Variants in PARVA observed in about 807,000 individuals in gnomAD.
PARVA encodes parvin alpha.
A neutral mutation model predicts 52.6 loss-of-function variants in PARVA; 25 were observed. The ratio of observed to expected loss-of-function variants is 0.48; its 90% CI spans 0.35 to 0.66. PARVA has a LOEUF of 0.66. PARVA is among the 30% of genes least tolerant of loss of function. The pLI is 0.01. For synonymous variants in PARVA, 185 were observed against 179.1 expected, an observed-to-expected ratio of 1.03 and a Z score of -0.26; for missense variants, 373 against 450.9, an observed-to-expected ratio of 0.83 and a Z score of 1.56.
At chr11:12,488,512 G>A (rs987520755) in intron 4 of PARVA, among the ~76,000 whole-genome samples, 20 of 152,138 alleles carry the variant, frequency 1.3e-4, no homozygotes, top group African/African-American at 4.8e-4. Flanking sequence ...ACACATACAG[G>A]GTCAGGAGAC....
intron 4 of PARVA, chr11:12,480,024 G>A (rs1299982798): frequency 6.6e-6 from 1 of 152,204 alleles, no homozygotes; most frequent in Admixed American, 6.5e-5. Flanking sequence ...AAGAGTTTAA[G>A]AGCAGCCTGG....
chr11:12,524,884 T>C (rs753428595), intron 12 of PARVA, among the ~76,000 whole-genome samples: 4 of 152,198 alleles, frequency 2.6e-5, no homozygotes, highest in Non-Finnish European at 2.9e-5. Context: ...CTGGAGTGAG[T>C]ACTATGAAGG....
rs1397780251 is a variant in PARVA at position 12,532,324 on chromosome 11, C to T, written c.*4399C>T. 6.6e-6 allele frequency among the ~76,000 whole-genome samples: 1 copy of T among 152,152 alleles called. No individual in the cohort carries two copies. Among genetic ancestry groups the T allele is most frequent in the Non-Finnish European group, 1.5e-5 (1 of 68,028 alleles). ...GGTGAAGAAAGTTAGCTTACTGACG[C>T]TTTTTGTTTTCTAGTTGGAGCGCAC... On this transcript the variant is annotated 3_prime_UTR_variant, in exon 13 of 13. Transcript: ENST00000334956.
chr11:12,401,444 A>G (rs780020922), intron 1 of PARVA, among the ~76,000 whole-genome samples: 15 of 152,148 alleles, frequency 9.9e-5, no homozygotes, highest in South Asian at 4.1e-4. Context: ...TTTTTTGCCA[A>G]TGGGATCCTG....
chr11:12,421,150 C>A (rs984513353), intron 1 of PARVA, among the ~76,000 whole-genome samples: 1 of 151,400 alleles, frequency 6.6e-6, no homozygotes, highest in African/African-American at 2.4e-5. Context: ...AGGTGGTGGG[C>A]TGGTAAGAGG....
At chr11:12,504,511 TAGA>T in intron 6 of PARVA, 82 bp downstream of exon 6, 1 of 789,256 alleles carries the variant, frequency 1.3e-6, no homozygotes, top group South Asian at 1.6e-5. Flanking sequence ...AGTAGGTCAT[TAGA>T]AGGATGGCTG....
At chr11:12,379,706 T>C (rs367601344) in intron 1 of PARVA, among the ~76,000 whole-genome samples, 3 of 152,360 alleles carry the variant, frequency 2.0e-5, no homozygotes, top group African/African-American at 7.2e-5. Context: ...ATTATCAGAC[T>C]TGATGAAGAA....
chr11:12,476,428 A>G (rs1941015280), intron 3 of PARVA, among the ~76,000 whole-genome samples: 2 of 152,006 alleles, frequency 1.3e-5, no homozygotes, highest in South Asian at 4.1e-4. Flanking sequence ...GCTATAGTGC[A>G]CTATGATTGC....
Position 12,529,963 on chromosome 11 carries a change from C to T in PARVA, c.*2038C>T, listed in dbSNP as rs1941751149. ...GGTAGCAAATCAAGATAAATAATTG[C>T]TTCATTTTCTTGAGCAATACTGAAG... is the stretch of plus-strand genomic sequence containing the variant. On this transcript the variant is annotated 3_prime_UTR_variant, in exon 13 of 13. Transcript: ENST00000334956. The T allele has an allele frequency of 6.6e-6, 1 of 152,128 alleles. No homozygotes were observed. The highest frequency in any genetic ancestry group is 1.5e-5 in the Non-Finnish European group (1 of 68,018). The allele number at this position is 152,128 out of a possible 1,614,324, so 9.4% of individuals were successfully genotyped here. A position where few individuals can be genotyped will look rare whatever the true frequency, so the allele number is the denominator to read the frequency against.
At chr11:12,520,729 G>A (rs1338714757) in intron 12 of PARVA, among the ~76,000 whole-genome samples, 2 of 152,148 alleles carry the variant, frequency 1.3e-5, no homozygotes, top group South Asian at 2.1e-4. Flanking sequence ...GTGGGCAGAC[G>A]GCTTGAGCTC....
intron 1 of PARVA, among the ~76,000 whole-genome samples, chr11:12,395,703 G>A (rs952008775): frequency 6.6e-6 from 1 of 152,222 alleles, no homozygotes; most frequent in Non-Finnish European, 1.5e-5. Flanking sequence ...AGTCCCAGGT[G>A]AAGCTTGCTC....
chr11:12,513,866 C>G, intron 9 of PARVA, 131 bp from the exon 10 acceptor site: 1 of 767,366 alleles, frequency 1.3e-6, no homozygotes, highest in Non-Finnish European at 2.2e-6. Context: ...GCTCCTGGGC[C>G]CAGGGCTCTT....
At chr11:12,435,419 C>A (rs1940373458) in intron 1 of PARVA, among the ~76,000 whole-genome samples, 1 of 152,222 alleles carries the variant, frequency 6.6e-6, no homozygotes, top group African/African-American at 2.4e-5. Context: ...CCCTGTCATT[C>A]AACACAGATG....
At position 12,504,411 on chromosome 11, in the gene PARVA, C is replaced by T. The variant is rs1420073819; in HGVS notation, c.639C>T (p.Ile213=). 8 of 1,611,874 alleles carry T rather than the reference C, an allele frequency of 5.0e-6. No individual in the cohort carries two copies. The highest frequency in any genetic ancestry group is 6.8e-6 in the Non-Finnish European group (8 of 1,178,152). ...TTCGACTCCCAGACCATGTTTCCAT[C>T]CAAGTGGTTGTGGTCCAGGTAAGAC... The part of the protein sequence containing the change: ...APIRLPDHVS[I]QVVVVQKREG... The change falls in exon 6 of 13, where the codon ATC becomes ATT. Residue 213 remains isoleucine, a synonymous_variant. Coordinates refer to ENST00000334956, the MANE Select transcript of PARVA (RefSeq NM_018222.5).
At chr11:12,438,242 A>T (rs1940415579) in intron 1 of PARVA, among the ~76,000 whole-genome samples, 1 of 150,562 alleles carries the variant, frequency 6.6e-6, no homozygotes. Flanking sequence ...CCTGGGTGAC[A>T]GAGCGAGACT....
chr11:12,377,333 G>C (rs564829823), upstream of PARVA: 3 of 1,035,928 alleles, frequency 2.9e-6, no homozygotes, highest in African/African-American at 1.7e-5. Flanking sequence ...TTTCCGGCTC[G>C]ACCGCTCCCA....
chr11:12,477,749 T>G, intron 3 of PARVA, 98 bp from the exon 4 acceptor site: 1 of 707,190 alleles, frequency 1.4e-6, no homozygotes. Flanking sequence ...TAAAGTTAAT[T>G]TGGATTTTAA....
intron 1 of PARVA, among the ~76,000 whole-genome samples, chr11:12,472,852 G>A (rs916721573): frequency 6.6e-6 from 1 of 152,276 alleles, no homozygotes. Flanking sequence ...GCTTTTAGGA[G>A]GGGTAATCCA....
intron 1 of PARVA, among the ~76,000 whole-genome samples, chr11:12,411,485 TGTTCCAGG>T (rs1308145509): frequency 6.6e-6 from 1 of 152,238 alleles, no homozygotes; most frequent in Non-Finnish European, 1.5e-5. Flanking sequence ...TTTCTTTTTC[TGTTCCAGG>T]GTTCCACCAG....
Sources: gnomAD v4.1 joint callset for allele counts (sites outside exome capture counted in the v4.1 genomes callset) on GRCh38, gnomAD v4.1.1 for gene constraint, MANE v1.5 for transcripts, NCBI Gene and HGNC (gene_info 2026-07-23, HGNC 2026-07-21) for gene names.